Variants in CATSPERE observed in about 807,000 individuals in gnomAD.
CATSPERE encodes cation channel sperm-associated auxiliary subunit epsilon.
Under a neutral mutation model 114.1 loss-of-function variants are expected in CATSPERE, and 93 were observed. The observed-to-expected ratio is 0.81, with a 90% CI of 0.69 to 0.97. The LOEUF (loss-of-function observed/expected upper bound fraction) is 0.97. CATSPERE is among the 50% of genes least tolerant of loss of function. The pLI is 0.00. For missense variants in CATSPERE, 1,058 were observed against 1,131.6 expected (o/e 0.93, Z 0.93); for synonymous variants, 341 against 384.1 (o/e 0.89, Z 1.31).
intron 20 of CATSPERE, among the ~76,000 whole-genome samples, chr1:244,627,396 T>C (rs1673338050): frequency 6.6e-6 from 1 of 151,954 alleles, no homozygotes; most frequent in Non-Finnish European, 1.5e-5. Context: ...CACAGTGAGA[T>C]CCCATCACTA....
chr1:244,468,737 G>A lies in CATSPERE; in HGVS notation c.114+4781G>A, dbSNP rs1176972289. On this transcript the variant is annotated intron_variant, in intron 2 of 21. Coordinates refer to ENST00000366534, the MANE Select transcript of CATSPERE (RefSeq NM_001130957.2). ...AGTTTGAGACTAGCCTGGGCAACAT[G>A]GCCAGACCCCATCTCTACAAATAAT... 2.6e-5 allele frequency among the ~76,000 whole-genome samples: 4 copies of A among 152,056 alleles called. No homozygotes were observed. The East Asian group carries it at 7.7e-4, about 29-fold the overall frequency.
At chr1:244,451,400 G>A (rs1359657117), upstream of CATSPERE, among the ~76,000 whole-genome samples, 1 of 152,182 alleles carries the variant, frequency 6.6e-6, no homozygotes, top group Non-Finnish European at 1.5e-5. The surrounding 1 kb of genome is among the most constrained non-coding windows in gnomAD (Gnocchi z 6.6). Context: ...CTCCCCGCCA[G>A]CCCACCTCTT....
chr1:244,534,806 C>T (rs3005971), intron 8 of CATSPERE, among the ~76,000 whole-genome samples: 132,628 of 152,212 alleles, frequency 0.87, 58,715 homozygotes, highest in East Asian at 1. Flanking sequence ...CATGTCTTAC[C>T]GGATGGTCTT....
rs1665163667 is a variant in CATSPERE, at chr1:244,575,818, G to A, written c.1950+3046G>A. Among the ~76,000 whole-genome samples, 1 of 151,918 alleles carries A rather than the reference G, an allele frequency of 6.6e-6. No homozygotes were observed. ...TTTCTTCCACCGAGAAGAGAGGAAAGGGAAGTTTTGAATATTTTTCCTATT... is the reference window on the plus strand; with the variant it reads ...TTTCTTCCACCGAGAAGAGAGGAAAAGGAAGTTTTGAATATTTTTCCTATT... On this transcript the variant is annotated intron_variant, in intron 11 of 21. Coordinates refer to ENST00000366534, the MANE Select transcript of CATSPERE (RefSeq NM_001130957.2). The surrounding 1 kb of genome is among the most constrained non-coding windows in gnomAD (Gnocchi z 4.5).
intron 18 of CATSPERE, among the ~76,000 whole-genome samples, chr1:244,606,355 C>A (rs1375851790): frequency 6.6e-6 from 1 of 152,090 alleles, no homozygotes; most frequent in African/African-American, 2.4e-5. Context: ...CCTGTGTGGG[C>A]CTTCCTGCCC....
At chr1:244,579,066 AT>A (rs1015247387) in intron 11 of CATSPERE, among the ~76,000 whole-genome samples, 3 of 152,070 alleles carry the variant, frequency 2.0e-5, no homozygotes, top group Non-Finnish European at 4.4e-5. Flanking sequence ...GATAAAAAAA[AT>A]ATGCAAGAAC....
intron 6 of CATSPERE, among the ~76,000 whole-genome samples, chr1:244,497,689 C>G (rs529694368): frequency 6.6e-6 from 1 of 152,068 alleles, no homozygotes; most frequent in Non-Finnish European, 1.5e-5. Flanking sequence ...CCCAGCTACT[C>G]GGGAAGCTGA....
intron 10 of CATSPERE, among the ~76,000 whole-genome samples, chr1:244,571,909 T>C (rs1338206498): frequency 6.6e-6 from 1 of 152,072 alleles, no homozygotes; most frequent in Non-Finnish European, 1.5e-5. Context: ...CTTAGCCCAT[T>C]TTACCTTAAT....
chr1:244,490,346 G>GA (rs1671831315), intron 5 of CATSPERE, 101 bp from the exon 6 acceptor site: 1 of 719,778 alleles, frequency 1.4e-6, no homozygotes, highest in Non-Finnish European at 2.3e-6. Context: ...AATATAAAGA[G>GA]AATATGCAAA....
At chr1:244,452,091 G>A (rs865994647), upstream of CATSPERE, 1 of 302,348 alleles carries the variant, frequency 3.3e-6, no homozygotes, top group Non-Finnish European at 6.1e-6. Context: ...CGCCACCCCG[G>A]ACCGAGGCCA....
At chr1:244,490,829 T>C (rs1369103917) in intron 6 of CATSPERE, among the ~76,000 whole-genome samples, 1 of 152,078 alleles carries the variant, frequency 6.6e-6, no homozygotes, top group Non-Finnish European at 1.5e-5. Flanking sequence ...TTTTGAAAAA[T>C]AGTTATTTTT....
intron 2 of CATSPERE, among the ~76,000 whole-genome samples, chr1:244,466,700 G>C (rs1048132180): frequency 3.9e-5 from 6 of 152,178 alleles, no homozygotes; most frequent in African/African-American, 1.2e-4. Flanking sequence ...AGGAAAGCAA[G>C]GGTCTTAGAA....
At chr1:244,597,076 CTG>C (rs958870695) in intron 17 of CATSPERE, among the ~76,000 whole-genome samples, 11 of 152,148 alleles carry the variant, frequency 7.2e-5, no homozygotes, top group African/African-American at 2.4e-4. Context: ...GCTCCTGAAA[CTG>C]TCCTCCTCTT....
chr1:244,559,755 T>G (rs1368262689), intron 9 of CATSPERE, among the ~76,000 whole-genome samples: 2 of 152,140 alleles, frequency 1.3e-5, no homozygotes, highest in Non-Finnish European at 2.9e-5. Context: ...AAAGGCACAC[T>G]CCAGGCCAGA....
At chr1:244,608,110 A>C (rs554168463) in intron 18 of CATSPERE, among the ~76,000 whole-genome samples, 1 of 152,114 alleles carries the variant, frequency 6.6e-6, no homozygotes, top group Non-Finnish European at 1.5e-5. Flanking sequence ...CCGTCTAAAA[A>C]AATAATAATA....
chr1:244,560,604 G>C, intron 9 of CATSPERE, 64 bp from the exon 10 acceptor site: 3 of 914,264 alleles, frequency 3.3e-6, no homozygotes, highest in Non-Finnish European at 4.6e-6. Context: ...TTTTAAAAAA[G>C]AGAAATTGTT....
At position 244,514,687 on chromosome 1, in the gene CATSPERE, G is replaced by T. The variant is rs561980619; in HGVS notation, c.430-3905G>T. On this transcript the variant is annotated intron_variant, in intron 7 of 21. Transcript: ENST00000366534. ...TACTAAAAATACAAAAAATTAGCTG[G>T]GCGTTGTGGCAGGCACCTGTAGTCC... is the stretch of plus-strand genomic sequence containing the variant. Among the ~76,000 whole-genome samples, 3 of 152,106 alleles carry T rather than the reference G, an allele frequency of 2.0e-5. No individual in the cohort carries two copies. The South Asian group carries it at 6.2e-4, about 32-fold the overall frequency.
chr1:244,526,047 A>G (rs889780423), intron 8 of CATSPERE, among the ~76,000 whole-genome samples: 10 of 152,192 alleles, frequency 6.6e-5, no homozygotes, highest in Non-Finnish European at 8.8e-5. Context: ...TCTGCACTCA[A>G]TGTGAGAAAG....
chr1:244,502,829 A>G (rs1486933564), intron 7 of CATSPERE, among the ~76,000 whole-genome samples: 3 of 152,186 alleles, frequency 2.0e-5, no homozygotes, highest in African/African-American at 7.2e-5. Flanking sequence ...GCCATGTAGA[A>G]TAGGTTTGAA....
Sources: gnomAD v4.1 joint callset for allele counts (sites outside exome capture counted in the v4.1 genomes callset) on GRCh38, gnomAD v4.1.1 for gene constraint, Gnocchi (gnomAD v3.1) non-coding constraint, MANE v1.5 for transcripts, NCBI Gene and HGNC (gene_info 2026-07-23, HGNC 2026-07-21) for gene names.